CCDC174: variants seen among roughly 807,000 people sequenced by gnomAD.
CCDC174 encodes the protein coiled-coil domain containing 174, also known as coiled-coil domain-containing protein 174.
In CCDC174, 37 loss-of-function variants were observed where a neutral mutation model predicts 57.1. That is an observed-to-expected ratio of 0.65 (90% CI 0.50 to 0.85). The LOEUF (loss-of-function observed/expected upper bound fraction) is 0.85, where lower values mean the gene tolerates loss of function less well. CCDC174 is among the 40% of genes least tolerant of loss of function. CCDC174 has a pLI of 0.00. For synonymous variants in CCDC174, 182 were observed against 190.2 expected, an observed-to-expected ratio of 0.96 and a Z score of 0.35; for missense variants, 540 against 574.3, an observed-to-expected ratio of 0.94 and a Z score of 0.61.
Position 14,671,548 on chromosome 3 carries a change from T to G in CCDC174, c.*354T>G. The G allele has an allele frequency of 5.3e-6, 1 of 188,136 alleles. No individual in the cohort carries two copies. The allele number at this position is 188,136 out of a possible 1,614,324, so 11.7% of individuals were successfully genotyped here. On this transcript the variant is annotated 3_prime_UTR_variant, in exon 11 of 11. Coordinates refer to ENST00000383794, the MANE Select transcript of CCDC174 (RefSeq NM_016474.5). ...GGTTCTTTTCCATTCCTTTTGCAAA[T>G]CCGAGCATGCAGGTGTCTTTATTCC...
Position 14,667,407 on chromosome 3 carries a change from A to C in CCDC174, c.725-17A>C. ...TCAGGACAGTCTGATCTTTTGGGTA[A>C]TTCATACTTCTTTCAGAGGCCCGGC... On this transcript the variant is annotated splice_polypyrimidine_tract_variant and intron_variant, in intron 7 of 10. Coordinates refer to ENST00000383794, the MANE Select transcript of CCDC174 (RefSeq NM_016474.5). The C allele has an allele frequency of 6.2e-7, 1 of 1,605,248 alleles. No individual in the cohort carries two copies. The highest frequency in any genetic ancestry group is 1.3e-5 in the African/African-American group (1 of 74,776).
Position 14,666,939 on chromosome 3 carries a change from G to A in CCDC174, c.716G>A (p.Arg239Gln). ...GGGCCCGTACATTATGAAGACATTC[G>A]GGAAAATGGTATGACTATTTTCTTG... ...PMGPVHYEDI[R>Q]ENEARQLGVG... is the part of the protein sequence containing the mutation. Residue 239 changes from arginine to glutamine, a missense_variant, in exon 7 of 11, where the codon CGG (arginine) becomes CAG (glutamine). Arg to Gln is a conservative substitution (Grantham distance 43, BLOSUM62 1). Transcript: ENST00000383794. The A allele has an allele frequency of 1.3e-6, 2 of 1,574,058 alleles. No homozygotes were observed. The highest frequency in any genetic ancestry group is 2.1e-5 in the Admixed American group (1 of 47,682).
intron 1 of CCDC174, among the ~76,000 whole-genome samples, chr3:14,653,097 T>G (rs538905215): frequency 3.8e-4 from 58 of 152,326 alleles, no homozygotes; most frequent in African/African-American, 1.3e-3. Flanking sequence ...ATTTGAGTAC[T>G]AGTTATTATT....
intron 6 of CCDC174, among the ~76,000 whole-genome samples, chr3:14,665,475 A>G (rs919429081): frequency 2.6e-5 from 4 of 152,210 alleles, no homozygotes; most frequent in African/African-American, 4.8e-5. Context: ...AAGTGGCTCT[A>G]GGGAGAGAAC....
Position 14,670,944 on chromosome 3 carries a change from A to C in CCDC174, c.1154A>C (p.Glu385Ala). 6.2e-7 allele frequency: 1 copy of C among 1,614,082 alleles called. No homozygotes were observed. Among genetic ancestry groups the C allele is most frequent in the Non-Finnish European group, 8.5e-7 (1 of 1,179,936 alleles). ...WSKRQSDLRA[E>A]RDPEFAPPSD... ...AAGAGGCAGTCAGATCTCCGGGCTG[A>C]GAGAGATCCTGAGTTTGCCCCGCCG... The change falls in exon 11 of 11, where the codon GAG (glutamate) becomes GCG (alanine). Residue 385 changes from glutamate to alanine, a missense_variant. By Grantham distance (107) the Glu-to-Ala change is moderately radical. Coordinates refer to ENST00000383794, the MANE Select transcript of CCDC174 (RefSeq NM_016474.5).
intron 9 of CCDC174, 111 bp downstream of exon 9, chr3:14,668,292 C>A: frequency 1.9e-6 from 2 of 1,067,576 alleles, no homozygotes; most frequent in Non-Finnish European, 2.7e-6. Context: ...TATATTTAAG[C>A]AAACAGTATA....
intron 9 of CCDC174, 90 bp downstream of exon 9, chr3:14,668,271 C>A: frequency 7.7e-7 from 1 of 1,297,786 alleles, no homozygotes; most frequent in Non-Finnish European, 1.1e-6. Flanking sequence ...TGAAAATTAG[C>A]CATTTAGTTT....
At chr3:14,665,167 C>A (rs970257355) in intron 6 of CCDC174, 44 bp downstream of exon 6, 2 of 1,335,676 alleles carry the variant, frequency 1.5e-6, no homozygotes, top group Non-Finnish European at 2.2e-6. Flanking sequence ...GTCTGAAATG[C>A]AGCCACAGGG....
At position 14,671,899 on chromosome 3, in the gene CCDC174, C is replaced by T. The variant is rs1343497689; in HGVS notation, c.*705C>T. The T allele has an allele frequency of 6.6e-6, 1 of 152,432 alleles. No homozygotes were observed. The highest frequency in any genetic ancestry group is 1.5e-5 in the Non-Finnish European group (1 of 68,182). The allele number at this position is 152,432 out of a possible 1,614,324, so 9.4% of individuals were successfully genotyped here. On this transcript the variant is annotated 3_prime_UTR_variant, in exon 11 of 11. Transcript: ENST00000383794. ...GTCAGAGACTGATGTGCCTTAGCGG[C>T]AATGGTTAGAGCTTTTCAGTGCATC... is the stretch of plus-strand genomic sequence containing the variant.
rs956552261 is a variant in CCDC174, at chr3:14,670,778, T to C, written c.1106-118T>C. 5 of 867,506 alleles carry C rather than the reference T, an allele frequency of 5.8e-6. No individual in the cohort carries two copies. The Admixed American group carries it at 1.5e-4, about 25-fold the overall frequency. 53.7% of individuals were successfully genotyped at this position (867,506 alleles called of 1,614,324 possible). A position where few individuals can be genotyped will look rare whatever the true frequency, so the allele number is the denominator to read the frequency against. On this transcript the variant is annotated intron_variant, in intron 10 of 10. Coordinates refer to ENST00000383794, the MANE Select transcript of CCDC174 (RefSeq NM_016474.5). ...TATAGTTTTGCTGTTGCCATTCTTA[T>C]TCTTTGGATAATTTGTGGTGGCTTT...
rs1467290775 is a variant in CCDC174 at position 14,661,628 on chromosome 3, A to G, written c.406A>G (p.Lys136Glu). ...EASGAHRDSQ[K>E]AGERDDDEEN... ...ATCTGGTGCCCATAGAGATTCTCAA[A>G]AGGCAGGAGAAAGGGACGACGATGA... is the stretch of plus-strand genomic sequence containing the variant. Residue 136 changes from lysine to glutamate, a missense_variant, in exon 5 of 11, where the codon AAG becomes GAG. Lys to Glu is a moderately conservative substitution (Grantham distance 56). Transcript: ENST00000383794. 4 of 1,614,088 alleles carry G rather than the reference A, an allele frequency of 2.5e-6. No homozygotes were observed. In the East Asian group the frequency reaches 8.9e-5, roughly 36 times the overall value.
chr3:14,661,796 A>G (rs1248947010), intron 5 of CCDC174, 89 bp downstream of exon 5: 10 of 1,118,936 alleles, frequency 8.9e-6, no homozygotes, highest in Non-Finnish European at 1.3e-5. Flanking sequence ...TTATCGAGCC[A>G]TTTCTCTTTA....
At chr3:14,665,968 G>A (rs530364014) in intron 6 of CCDC174, among the ~76,000 whole-genome samples, 2 of 150,724 alleles carry the variant, frequency 1.3e-5, no homozygotes, top group East Asian at 3.9e-4. Flanking sequence ...AACCCAGGAG[G>A]CAGAGCCTGC....
In CCDC174 at chr3:14,667,488, G is replaced by A; in HGVS notation, c.789G>A (p.Gln263=). 1 of 1,613,924 alleles carries A rather than the reference G, an allele frequency of 6.2e-7. No individual in the cohort carries two copies. Among genetic ancestry groups the A allele is most frequent in the Non-Finnish European group, 8.5e-7 (1 of 1,179,954 alleles). The stretch of plus-strand genomic sequence containing the variant: ...GAGACAAAGAGTTGAGAAACAAGCA[G>A]ATGAAAACCTTAGAGATGCTGCGTG... ...FARDKELRNK[Q]MKTLEMLREQ... is the part of the protein sequence containing the mutation. The change falls in exon 8 of 11, where the codon CAG becomes CAA. Residue 263 remains glutamine, a synonymous_variant. Transcript: ENST00000383794.
rs764027935 is a variant in CCDC174 at position 14,666,954 on chromosome 3, C to T, written c.724+7C>T. The T allele has an allele frequency of 3.8e-6, 6 of 1,570,146 alleles. No individual in the cohort carries two copies. The South Asian group carries it at 6.0e-5, about 16-fold the overall frequency. ...GAAGACATTCGGGAAAATGGTATGA[C>T]TATTTTCTTGCAGCTTTGCAAATCT... On this transcript the variant is annotated splice_region_variant and intron_variant, in intron 7 of 10. Coordinates refer to ENST00000383794, the MANE Select transcript of CCDC174 (RefSeq NM_016474.5).
chr3:14,662,825 C>A (rs961582596), intron 5 of CCDC174, among the ~76,000 whole-genome samples: 1 of 152,302 alleles, frequency 6.6e-6, no homozygotes, highest in African/African-American at 2.4e-5. Flanking sequence ...CTGTGGATGG[C>A]AGAGAAACTG....
In CCDC174 at chr3:14,668,130, C is replaced by G. The variant is rs191751189; in HGVS notation, c.901C>G (p.Gln301Glu). ...ILEARLAKLR[Q>E]KKMKKSKEGG... Reference sequence around the variant, plus strand: ...AGAGGCAAGACTTGCCAAACTTCGACAAAAAAAGATGAAAAAATCAAAAGA... The same window carrying G: ...AGAGGCAAGACTTGCCAAACTTCGAGAAAAAAAGATGAAAAAATCAAAAGA... The change falls in exon 9 of 11, where the codon CAA becomes GAA. Residue 301 changes from glutamine (Q) to glutamate (E), a missense_variant. By Grantham distance (29) the Gln-to-Glu change is conservative. Transcript: ENST00000383794. The G allele has an allele frequency of 5.6e-6, 9 of 1,604,234 alleles. No homozygotes were observed. In the East Asian group the frequency reaches 2.0e-4, roughly 36 times the overall value.
At chr3:14,652,014 C>G (rs956782295) in intron 1 of CCDC174, 136 bp downstream of exon 1, 22 of 850,138 alleles carry the variant, frequency 2.6e-5, no homozygotes, top group Middle Eastern at 4.4e-4. Flanking sequence ...AACCCCCGAA[C>G]TGGATTTTCT....
chr3:14,670,932 A>T lies in CCDC174; in HGVS notation c.1142A>T (p.Asp381Val), dbSNP rs750686787. 6.2e-7 allele frequency: 1 copy of T among 1,613,020 alleles called. No homozygotes were observed. Among genetic ancestry groups the T allele is most frequent in the Non-Finnish European group, 8.5e-7 (1 of 1,179,076 alleles). ...SFGYWSKRQS[D>V]LRAERDPEFA... ...GGATACTGGTCGAAGAGGCAGTCAG[A>T]TCTCCGGGCTGAGAGAGATCCTGAG... Residue 381 changes from aspartate to valine, a missense_variant, in exon 11 of 11, where the codon GAT (aspartate) becomes GTT (valine). Coordinates refer to ENST00000383794, the MANE Select transcript of CCDC174 (RefSeq NM_016474.5).
Sources: gnomAD v4.1 joint callset for allele counts (sites outside exome capture counted in the v4.1 genomes callset) on GRCh38, gnomAD v4.1.1 for gene constraint, MANE v1.5 for transcripts, NCBI Gene and HGNC (gene_info 2026-07-23, HGNC 2026-07-21) for gene names.